PHF19: variants seen among roughly 807,000 people sequenced by gnomAD.
The protein encoded by PHF19 is polycomb like 3.
Under a neutral mutation model 79.8 loss-of-function variants are expected in PHF19, and 21 were observed. The observed-to-expected ratio is 0.26, with a 90% CI of 0.19 to 0.38. PHF19 has a LOEUF of 0.38. Ranked by LOEUF, PHF19 falls within the 10% of genes least tolerant of loss-of-function variation. The probability of loss-of-function intolerance (pLI) is 1.00; values close to 1 mark genes in which losing one functional copy is unlikely to be tolerated. For synonymous variants in PHF19, 273 were observed against 296.3 expected (o/e 0.92, Z 0.81); for missense variants, 445 against 744.2 (o/e 0.60, Z 4.68).
intron 1 of PHF19, among the ~76,000 whole-genome samples, chr9:120,884,391 C>T (rs550213551): frequency 1.1e-3 from 166 of 145,912 alleles, no homozygotes; most frequent in African/African-American, 4.1e-3. Flanking sequence ...TGGCCCCAAG[C>T]TGGGTGTGTA....
At chr9:120,884,773 T>C (rs62578060) in intron 1 of PHF19, among the ~76,000 whole-genome samples, 1 of 141,188 alleles carries the variant, frequency 7.1e-6, no homozygotes, top group African/African-American at 2.6e-5. Flanking sequence ...AAAAAAAAAT[T>C]AGCTGGATGT....
At chr9:120,887,937 G>A (rs755346300) in intron 1 of PHF19, among the ~76,000 whole-genome samples, 2 of 152,084 alleles carry the variant, frequency 1.3e-5, no homozygotes, top group South Asian at 2.1e-4. Flanking sequence ...AACGGAGCTC[G>A]TCCCCTGAGC....
chr9:120,871,713 C>G (rs2045899709), intron 3 of PHF19, among the ~76,000 whole-genome samples: 1 of 151,966 alleles, frequency 6.6e-6, no homozygotes, highest in Non-Finnish European at 1.5e-5. Flanking sequence ...GTCTTATTTC[C>G]CCAGCATGCT....
At position 120,861,130 on chromosome 9, in the gene PHF19, G is replaced by A. The variant is rs780572110; in HGVS notation, c.1263C>T (p.Ser421=). 1 of 1,611,432 alleles carries A rather than the reference G, an allele frequency of 6.2e-7. No homozygotes were observed. Among genetic ancestry groups the A allele is most frequent in the Non-Finnish European group, 8.5e-7 (1 of 1,177,518 alleles). Residue 421 remains serine (S), a synonymous_variant, in exon 13 of 15, where the codon AGC becomes AGT. Transcript: ENST00000373896. ...SAWSTNHHLA[S]IFDFTLDEIQ... ...TTTCATCCAGCGTGAAGTCAAATATGCTAGCCAGGTGGTGGTTGGTGCTCC... is the reference window on the plus strand; with the variant it reads ...TTTCATCCAGCGTGAAGTCAAATATACTAGCCAGGTGGTGGTTGGTGCTCC...
chr9:120,863,796 G>A (rs1160162705), intron 10 of PHF19, among the ~76,000 whole-genome samples: 3 of 152,190 alleles, frequency 2.0e-5, no homozygotes, highest in Non-Finnish European at 4.4e-5. Flanking sequence ...GAGCCGGAGG[G>A]GCCCTCAGAG....
At chr9:120,872,689 CTTT>C (rs199811441) in intron 3 of PHF19, among the ~76,000 whole-genome samples, 1 of 141,090 alleles carries the variant, frequency 7.1e-6, no homozygotes, top group Non-Finnish European at 1.6e-5. Context: ...TTTTTCTTTT[CTTT>C]TTTTTTTTTT....
chr9:120,889,761 G>C (rs2046315632), intron 1 of PHF19, among the ~76,000 whole-genome samples: 2 of 150,506 alleles, frequency 1.3e-5, no homozygotes, highest in African/African-American at 4.9e-5. Flanking sequence ...AAGAAAGAGA[G>C]AGAGAGAGAA....
At position 120,870,392 on chromosome 9, in the gene PHF19, G is replaced by T; in HGVS notation, c.364+51C>A. 2 of 1,139,170 alleles carry T rather than the reference G, an allele frequency of 1.8e-6. No individual in the cohort carries two copies. Among genetic ancestry groups the T allele is most frequent in the East Asian group, 2.3e-5 (1 of 42,686 alleles). 70.6% of individuals were successfully genotyped at this position (1,139,170 alleles called of 1,614,324 possible). A position where few individuals can be genotyped will look rare whatever the true frequency, so the allele number is the denominator to read the frequency against. On this transcript the variant is annotated intron_variant, in intron 4 of 14. Transcript: ENST00000373896. The surrounding 1 kb of genome is among the most constrained non-coding windows in gnomAD (Gnocchi z 4.4). ...AGCAGTACCCGTCAGGGGCCAGTGC[G>T]TGGGGACCTATAGGTCGGGGCCTTC...
upstream of PHF19, among the ~76,000 whole-genome samples, chr9:120,897,586 G>A (rs1424569100): frequency 2.0e-5 from 3 of 152,086 alleles, no homozygotes; most frequent in Non-Finnish European, 2.9e-5. Flanking sequence ...CATATTAGAA[G>A]AAAACAAGAA....
chr9:120,861,236 C>A, intron 12 of PHF19, 62 bp from the exon 13 acceptor site: 1 of 939,910 alleles, frequency 1.1e-6, no homozygotes, highest in Non-Finnish European at 1.8e-6. Flanking sequence ...ACCTCCCACA[C>A]AGGCTGCCTC....
chr9:120,861,877 C>T (rs1254082743), intron 12 of PHF19, 41 bp downstream of exon 12: 2 of 1,371,298 alleles, frequency 1.5e-6, no homozygotes, highest in South Asian at 2.3e-5. Context: ...ATGTGCTGAC[C>T]CTGCGTATGA....
At chr9:120,867,216 T>TA (rs2045730777) in intron 6 of PHF19, among the ~76,000 whole-genome samples, 1 of 152,236 alleles carries the variant, frequency 6.6e-6, no homozygotes. Context: ...TGGCTTGCCC[T>TA]AGCTCACAGG....
intron 6 of PHF19, chr9:120,868,900 G>T: frequency 1.0e-6 from 1 of 992,624 alleles, no homozygotes; most frequent in Non-Finnish European, 1.3e-6. Context: ...CGCCCCCCGA[G>T]GCCCCGCCCT....
chr9:120,901,351 C>G, the PHF19 span, among the ~76,000 whole-genome samples: 1 of 152,124 alleles, frequency 6.6e-6, no homozygotes, highest in Non-Finnish European at 1.5e-5. Flanking sequence ...TGCCACCATG[C>G]CCAGCTATTT....
intron 10 of PHF19, 151 bp downstream of exon 10, chr9:120,863,898 G>GCC: frequency 1.4e-6 from 1 of 701,388 alleles, no homozygotes; most frequent in Non-Finnish European, 2.5e-6. Context: ...AAGGAGGTGG[G>GCC]GTACCCCCTG....
chr9:120,896,201 TA>T (rs997266100), upstream of PHF19, among the ~76,000 whole-genome samples: 1 of 152,156 alleles, frequency 6.6e-6, no homozygotes, highest in Admixed American at 6.5e-5. Flanking sequence ...TGATATACAA[TA>T]AAACCTTGAT....
At chr9:120,872,584 C>A (rs1588117863) in intron 3 of PHF19, among the ~76,000 whole-genome samples, 1 of 152,150 alleles carries the variant, frequency 6.6e-6, no homozygotes, top group Non-Finnish European at 1.5e-5. Context: ...GAGAAGGGGG[C>A]AATTCGAAAG....
chr9:120,865,977 G>A, intron 8 of PHF19, 51 bp downstream of exon 8: 1 of 1,560,698 alleles, frequency 6.4e-7, no homozygotes. Context: ...GAGGAGGGAG[G>A]GGAGAAGCTG....
chr9:120,887,651 C>G (rs373178313), intron 1 of PHF19, among the ~76,000 whole-genome samples: 1,677 of 32,120 alleles, frequency 0.052, 14 homozygotes, highest in Non-Finnish European at 0.086. Context: ...CACACACACA[C>G]AGACACACAC....
Sources: allele counts gnomAD v4.1 joint callset (sites outside exome capture counted in the v4.1 genomes callset), GRCh38; gene constraint gnomAD v4.1.1; non-coding constraint Gnocchi (gnomAD v3.1); transcripts MANE v1.5; gene names NCBI Gene and HGNC (gene_info 2026-07-23, HGNC 2026-07-21).